Variants in TUSC3 observed in about 807,000 individuals in gnomAD.
TUSC3 encodes tumor suppressor candidate 3.
In TUSC3, 45 loss-of-function variants were observed where a neutral mutation model predicts 44.8. The ratio of observed to expected loss-of-function variants is 1.00; its 90% CI spans 0.79 to 1.29. The LOEUF is 1.29. Among genes scored for constraint, TUSC3 ranks in the 50% most tolerant of loss-of-function variants. The pLI is 0.00. For missense variants in TUSC3, 519 were observed against 437.9 expected (o/e 1.19, Z -1.65); for synonymous variants, 212 against 152.9 (o/e 1.39, Z -2.85).
At chr8:15,598,509 G>C (rs1321906324) in intron 1 of TUSC3, among the ~76,000 whole-genome samples, 1 of 151,694 alleles carries the variant, frequency 6.6e-6, no homozygotes, top group African/African-American at 2.4e-5. Flanking sequence ...TTCATTCTTG[G>C]TGTTGTATAT....
Position 15,426,676 on chromosome 8 carries a change from G to C in TUSC3, n.91+9371G>C, listed in dbSNP as rs148770987. Among the ~76,000 whole-genome samples the C allele has an allele frequency of 5.9e-5, 9 of 152,272 alleles. No individual in the cohort carries two copies. The East Asian group carries it at 1.7e-3, about 29-fold the overall frequency. On this transcript the variant is annotated intron_variant and non_coding_transcript_variant, in intron 1 of 5. Transcript: ENST00000503191. The stretch of plus-strand genomic sequence containing the variant: ...GGTTGTTTCCATAACTTAGCTTCAT[G>C]AATGTTGTAATGAACATGGGTGAAG...
chr8:15,637,146 C>A (rs182463680), intron 2 of TUSC3, among the ~76,000 whole-genome samples: 1 of 152,146 alleles, frequency 6.6e-6, no homozygotes, highest in Non-Finnish European at 1.5e-5. Context: ...GTTTAAAATA[C>A]CAGTTCTATT....
intron 6 of TUSC3, among the ~76,000 whole-genome samples, chr8:15,697,501 G>A (rs934696820): frequency 9.9e-5 from 15 of 152,176 alleles, no homozygotes; most frequent in African/African-American, 3.4e-4. Flanking sequence ...AGGGTGCCAA[G>A]TGCTGGGGGG....
At chr8:15,706,313 C>T (rs1470296668) in intron 6 of TUSC3, among the ~76,000 whole-genome samples, 1 of 151,986 alleles carries the variant, frequency 6.6e-6, no homozygotes, top group East Asian at 1.9e-4. Flanking sequence ...ATTAAGGAAG[C>T]AAAGGAAAAG....
At chr8:15,643,686 T>C (rs1481018546) in intron 2 of TUSC3, among the ~76,000 whole-genome samples, 2 of 152,192 alleles carry the variant, frequency 1.3e-5, no homozygotes, top group Non-Finnish European at 2.9e-5. Flanking sequence ...TAGTGAACTG[T>C]TGATTTCTCA....
chr8:15,447,530 A>C (rs1053078636), intron 1 of TUSC3, among the ~76,000 whole-genome samples: 1 of 152,142 alleles, frequency 6.6e-6, no homozygotes. Context: ...TCAAAACCGA[A>C]AACGTTGGCT....
chr8:15,792,430 A>C, the TUSC3 span, among the ~76,000 whole-genome samples: 1 of 152,178 alleles, frequency 6.6e-6, no homozygotes, highest in Non-Finnish European at 1.5e-5. Flanking sequence ...ACAAACAGTG[A>C]CTAGCTTACT....
intron 2 of TUSC3, among the ~76,000 whole-genome samples, chr8:15,637,978 A>G (rs913529845): frequency 4.6e-5 from 7 of 152,062 alleles, no homozygotes; most frequent in East Asian, 1.9e-4. Flanking sequence ...TGCTTCTTCT[A>G]AGTTGTTTCC....
In TUSC3 at chr8:15,454,732, G is replaced by A. The variant is rs564645607; in HGVS notation, n.92-28654G>A. On this transcript the variant is annotated intron_variant and non_coding_transcript_variant, in intron 1 of 5. Coordinates refer to the TUSC3 transcript ENST00000503191. The stretch of plus-strand genomic sequence containing the variant: ...ATTTTAATCAGGACCTAATAAACTG[G>A]ACTGCACAAGTCTTGCAGCAAAGTA... Among the ~76,000 whole-genome samples the A allele has an allele frequency of 6.4e-4, 97 of 152,248 alleles. 1 individual carries two copies. The South Asian group carries it at 6.4e-3, about 10-fold the overall frequency.
intron 10 of TUSC3, 30 bp from the exon 11 acceptor site, chr8:15,764,173 C>T (rs1260380865): frequency 2.5e-6 from 4 of 1,577,232 alleles, no homozygotes; most frequent in Non-Finnish European, 2.6e-6. Context: ...GTTCTATGTT[C>T]AGCACATAAT....
chr8:15,454,486 G>T (rs1800232181), intron 1 of TUSC3, among the ~76,000 whole-genome samples: 1 of 152,186 alleles, frequency 6.6e-6, no homozygotes, highest in South Asian at 2.1e-4. Flanking sequence ...TTTAGCTAAA[G>T]GAATCTATTT....
At chr8:15,648,716 A>C (rs1343638771) in intron 2 of TUSC3, among the ~76,000 whole-genome samples, 1 of 106,012 alleles carries the variant, frequency 9.4e-6, no homozygotes, top group African/African-American at 3.9e-5. Context: ...ACAGAGCAAG[A>C]CTCTGTGTCA....
At chr8:15,646,668 C>G (rs906509827) in intron 2 of TUSC3, among the ~76,000 whole-genome samples, 3 of 151,990 alleles carry the variant, frequency 2.0e-5, no homozygotes, top group African/African-American at 7.2e-5. Context: ...TTATGTGCTT[C>G]TTGTTTATAA....
At chr8:15,701,223 C>G (rs752558005) in intron 6 of TUSC3, among the ~76,000 whole-genome samples, 19 of 151,974 alleles carry the variant, frequency 1.3e-4, no homozygotes, top group African/African-American at 4.4e-4. Flanking sequence ...CCTTTTTATT[C>G]CCCCACAAAA....
At chr8:15,733,862 G>C (rs1273930170) in intron 7 of TUSC3, among the ~76,000 whole-genome samples, 1 of 152,066 alleles carries the variant, frequency 6.6e-6, no homozygotes, top group Non-Finnish European at 1.5e-5. Flanking sequence ...GGCAACAGTA[G>C]GGGGAATCCT....
chr8:15,453,020 C>G (rs1800214366), intron 1 of TUSC3, among the ~76,000 whole-genome samples: 2 of 151,916 alleles, frequency 1.3e-5, no homozygotes, highest in African/African-American at 4.8e-5. Context: ...GACTCTAGTA[C>G]CCTGAGGAAC....
intron 1 of TUSC3, among the ~76,000 whole-genome samples, chr8:15,439,073 C>G (rs1799989535): frequency 6.6e-6 from 1 of 152,252 alleles, no homozygotes; most frequent in South Asian, 2.1e-4. Context: ...GCACTGTGAC[C>G]TTAGTCTGGG....
At chr8:15,674,317 A>G (rs1563166200) in intron 6 of TUSC3, among the ~76,000 whole-genome samples, 1 of 152,026 alleles carries the variant, frequency 6.6e-6, no homozygotes, top group Admixed American at 6.6e-5. Context: ...CATTAGTAGC[A>G]GAGTTTACGT....
chr8:15,446,704 G>A (rs1213284031), intron 1 of TUSC3, among the ~76,000 whole-genome samples: 5 of 141,800 alleles, frequency 3.5e-5, no homozygotes, highest in African/African-American at 1.3e-4. Context: ...CTCGGCATCA[G>A]AGGGAGACCG....
Sources: gnomAD v4.1 joint callset for allele counts (sites outside exome capture counted in the v4.1 genomes callset) on GRCh38, gnomAD v4.1.1 for gene constraint, MANE v1.5 for transcripts, NCBI Gene and HGNC (gene_info 2026-07-23, HGNC 2026-07-21) for gene names.